The following BIN3 variants were observed in gnomAD, a reference collection of about 807,000 sequenced individuals.
BIN3 encodes the protein bridging integrator 3.
Under a neutral mutation model 38.2 loss-of-function variants are expected in BIN3, and 41 were observed. The ratio of observed to expected loss-of-function variants is 1.07; its 90% CI spans 0.84 to 1.39. BIN3 has a LOEUF of 1.39. Among genes scored for constraint, BIN3 ranks in the 40% most tolerant of loss-of-function variants. BIN3 has a pLI of 0.00. For missense variants in BIN3, 361 were observed against 324.3 expected (o/e 1.11, Z -0.87); for synonymous variants, 145 against 122.6 (o/e 1.18, Z -1.21).
intron 2 of BIN3, among the ~76,000 whole-genome samples, chr8:22,639,971 C>T (rs1007838626): frequency 1.3e-5 from 2 of 152,102 alleles, no homozygotes; most frequent in East Asian, 3.9e-4. Context: ...AAGCGATTCT[C>T]CTGCCTCAGC....
chr8:22,652,100 C>A (rs991083358), intron 1 of BIN3, among the ~76,000 whole-genome samples: 1 of 151,348 alleles, frequency 6.6e-6, no homozygotes, highest in East Asian at 1.9e-4. Flanking sequence ...GATGCCTTAT[C>A]TCTCTGAGGA....
chr8:22,648,882 T>C (rs1369749822), intron 1 of BIN3, among the ~76,000 whole-genome samples: 1 of 151,148 alleles, frequency 6.6e-6, no homozygotes, highest in Non-Finnish European at 1.5e-5. Context: ...CCCTTTGACA[T>C]ATCCACATCA....
chr8:22,657,202 A>G (rs948328359), intron 1 of BIN3, among the ~76,000 whole-genome samples: 1 of 152,242 alleles, frequency 6.6e-6, no homozygotes, highest in Non-Finnish European at 1.5e-5. Flanking sequence ...TAAATGAATG[A>G]CTAAAATAAG....
At position 22,630,773 on chromosome 8, in the gene BIN3, T is replaced by C. The variant is rs560525260; in HGVS notation, c.161-195A>G. 2.0e-5 allele frequency among the ~76,000 whole-genome samples: 3 copies of C among 152,284 alleles called. No homozygotes were observed. The East Asian group carries it at 5.8e-4, about 29-fold the overall frequency. On this transcript the variant is annotated intron_variant, in intron 4 of 8. Coordinates refer to ENST00000276416, the MANE Select transcript of BIN3 (RefSeq NM_018688.6). Reference sequence around the variant, plus strand: ...ATGGTTTAATGTTCATTCCTGACCCTAACACTGCTCCAGACAATTCTTTTG... The same window carrying C: ...ATGGTTTAATGTTCATTCCTGACCCCAACACTGCTCCAGACAATTCTTTTG...
chr8:22,629,848 G>A (rs1028472102), intron 6 of BIN3, 116 bp downstream of exon 6: 28 of 1,060,034 alleles, frequency 2.6e-5, no homozygotes, highest in Non-Finnish European at 3.6e-5. Context: ...TGAGTTTCCC[G>A]TCAGGCCCCA....
intron 6 of BIN3, among the ~76,000 whole-genome samples, chr8:22,627,655 CCT>C (rs1802044466): frequency 6.6e-6 from 1 of 152,166 alleles, no homozygotes; most frequent in Admixed American, 6.5e-5. Context: ...GCACTTCACC[CCT>C]CCTCTCTCCC....
At chr8:22,623,438 G>GC (rs1158693087) in intron 8 of BIN3, among the ~76,000 whole-genome samples, 1 of 152,152 alleles carries the variant, frequency 6.6e-6, no homozygotes, top group Non-Finnish European at 1.5e-5. Context: ...GGGCTCTGGA[G>GC]CCCCCTTCCT....
intron 1 of BIN3, among the ~76,000 whole-genome samples, chr8:22,660,850 G>A (rs1319355398): frequency 6.6e-6 from 1 of 152,166 alleles, no homozygotes; most frequent in Non-Finnish European, 1.5e-5. Flanking sequence ...GGCTCCCTGA[G>A]TATCGCACCC....
At chr8:22,641,774 T>A (rs1039563146) in intron 2 of BIN3, among the ~76,000 whole-genome samples, 1 of 152,182 alleles carries the variant, frequency 6.6e-6, no homozygotes, top group African/African-American at 2.4e-5. Flanking sequence ...ATGTTCCTTG[T>A]GTGCAAGACT....
chr8:22,628,969 C>T (rs1369118894), intron 6 of BIN3, among the ~76,000 whole-genome samples: 1 of 152,216 alleles, frequency 6.6e-6, no homozygotes, highest in Non-Finnish European at 1.5e-5. Flanking sequence ...GCTGGGGGGC[C>T]AGGGCCGGAG....
intron 1 of BIN3, among the ~76,000 whole-genome samples, chr8:22,655,488 G>C (rs979022811): frequency 2.0e-5 from 3 of 152,270 alleles, no homozygotes; most frequent in Admixed American, 2.0e-4. Flanking sequence ...TTCATTCCTT[G>C]GCAAGTGGCT....
chr8:22,657,493 T>C (rs1248250718), intron 1 of BIN3, among the ~76,000 whole-genome samples: 1 of 152,336 alleles, frequency 6.6e-6, no homozygotes, highest in South Asian at 2.1e-4. Context: ...GACGAAGTTA[T>C]TGGAGTACGA....
chr8:22,627,733 GT>G (rs1314904814), intron 6 of BIN3, among the ~76,000 whole-genome samples: 1 of 152,234 alleles, frequency 6.6e-6, no homozygotes, highest in Non-Finnish European at 1.5e-5. Context: ...ATTATGAGAA[GT>G]CAGTTTGGCT....
rs148692479 is a variant in BIN3 at position 22,635,260 on chromosome 8, G to A, written c.160+1265C>T. Among the ~76,000 whole-genome samples, 737 of 152,242 alleles carry A rather than the reference G, an allele frequency of 4.8e-3. 11 individuals carry two copies. Among genetic ancestry groups the A allele is most frequent in the African/African-American group, 0.017 (697 of 41,540 alleles). On this transcript the variant is annotated intron_variant, in intron 4 of 8. Coordinates refer to ENST00000276416, the MANE Select transcript of BIN3 (RefSeq NM_018688.6). The stretch of plus-strand genomic sequence containing the variant: ...TTTTATTGACCTTGCACGCCACGAC[G>A]TGTCATTATATACCGATCCGCTTGT...
intron 1 of BIN3, among the ~76,000 whole-genome samples, chr8:22,664,666 C>T (rs1585208660): frequency 6.6e-6 from 1 of 152,260 alleles, no homozygotes; most frequent in Admixed American, 6.5e-5. Flanking sequence ...TATTCCTGAT[C>T]ATGGGGACAG....
At chr8:22,649,611 A>G (rs908307434) in intron 1 of BIN3, among the ~76,000 whole-genome samples, 5 of 152,148 alleles carry the variant, frequency 3.3e-5, no homozygotes, top group African/African-American at 1.2e-4. Context: ...AAATATGCCA[A>G]ATGTTGGTAG....
intron 1 of BIN3, among the ~76,000 whole-genome samples, chr8:22,653,121 T>A (rs1802952158): frequency 1.3e-5 from 2 of 152,366 alleles, no homozygotes; most frequent in South Asian, 4.1e-4. Flanking sequence ...TAAGTGTTCT[T>A]TGAATTAATG....
chr8:22,640,348 T>G (rs532247029), intron 2 of BIN3, among the ~76,000 whole-genome samples: 1 of 145,438 alleles, frequency 6.9e-6, no homozygotes, highest in African/African-American at 2.5e-5. Flanking sequence ...CCCGGCTAAT[T>G]TTTGAATTTT....
At chr8:22,622,219 G>A (rs77319635) in intron 8 of BIN3, among the ~76,000 whole-genome samples, 2,350 of 152,334 alleles carry the variant, frequency 0.015, 32 homozygotes, top group Non-Finnish European at 0.024. Context: ...CTGAGGACCA[G>A]GGGCTTTTCC....
Sources: gnomAD v4.1 joint callset for allele counts (sites outside exome capture counted in the v4.1 genomes callset) on GRCh38, gnomAD v4.1.1 for gene constraint, MANE v1.5 for transcripts, NCBI Gene and HGNC (gene_info 2026-07-23, HGNC 2026-07-21) for gene names.